GABBR1: variants seen among roughly 807,000 people sequenced by gnomAD.
GABBR1 encodes gamma-aminobutyric acid type B receptor subunit 1, also known as GABA-B receptor, R1 subunit.
A neutral mutation model predicts 117.7 loss-of-function variants in GABBR1; 35 were observed. The observed-to-expected ratio is 0.30, with a 90% CI of 0.23 to 0.39. The LOEUF is 0.39. Ranked by LOEUF, GABBR1 falls within the 10% of genes least tolerant of loss-of-function variation. GABBR1 has a pLI of 1.00. For missense variants in GABBR1, 709 were observed against 1,241.8 expected, an observed-to-expected ratio of 0.57 and a Z score of 6.45; for synonymous variants, 442 against 486.6, an observed-to-expected ratio of 0.91 and a Z score of 1.21.
chr6:29,613,775 G>A lies in GABBR1; in HGVS notation c.1324-290C>T, dbSNP rs1487757040. ...TTGACAAACACTCTGGATAATTAGT[G>A]GCAAAGGATGGAAGGTAGAGCAGAG... On this transcript the variant is annotated intron_variant, in intron 11 of 22. Coordinates refer to ENST00000377034, the MANE Select transcript of GABBR1 (RefSeq NM_001470.4). The surrounding 1 kb of genome is among the most constrained non-coding windows in gnomAD (Gnocchi z 4.1). Among the ~76,000 whole-genome samples, 2 of 152,188 alleles carry A rather than the reference G, an allele frequency of 1.3e-5. No homozygotes were observed. The highest frequency in any genetic ancestry group is 1.5e-5 in the Non-Finnish European group (1 of 68,038).
chr6:29,628,131 A>C, intron 5 of GABBR1: 2 of 151,780 alleles, frequency 1.3e-5, no homozygotes, highest in Admixed American at 1.4e-4. Flanking sequence ...CTGGGGAGGC[A>C]GGAAGGGGGC....
Position 29,622,763 on chromosome 6 carries a change from C to T in GABBR1, c.963+542G>A, listed in dbSNP as rs1465428171. On this transcript the variant is annotated intron_variant, in intron 8 of 22. Coordinates refer to ENST00000377034, the MANE Select transcript of GABBR1 (RefSeq NM_001470.4). This position sits in a 1 kb window ranked among gnomAD's most constrained non-coding sequence, Gnocchi z 4.6. The stretch of plus-strand genomic sequence containing the variant: ...CCAAATCTCCCTCTTCCCCCTCAAC[C>T]TCTCCTTGTCTGTCGGCTTCTCTCT... Among the ~76,000 whole-genome samples, 1 of 152,056 alleles carries T rather than the reference C, an allele frequency of 6.6e-6. No homozygotes were observed. The highest frequency in any genetic ancestry group is 1.9e-4 in the East Asian group (1 of 5,182).
Position 29,605,486 on chromosome 6 carries a change from T to A in GABBR1, c.2439+83A>T, listed in dbSNP as rs1582948339. Reference sequence around the variant, plus strand: ...AGACTTCTAAGCAACCGATCCCAGATCTAGCATTGATTCTTCCTAGTCCTC... The same window carrying A: ...AGACTTCTAAGCAACCGATCCCAGAACTAGCATTGATTCTTCCTAGTCCTC... On this transcript the variant is annotated intron_variant, in intron 20 of 22. Coordinates refer to ENST00000377034, the MANE Select transcript of GABBR1 (RefSeq NM_001470.4). This position sits in a 1 kb window ranked among gnomAD's most constrained non-coding sequence, Gnocchi z 4.2. The A allele has an allele frequency of 1.3e-6, 2 of 1,512,656 alleles. No homozygotes were observed. The highest frequency in any genetic ancestry group is 2.8e-5 in the African/African-American group (2 of 72,272). 93.7% of individuals were successfully genotyped at this position (1,512,656 alleles called of 1,614,324 possible).
In GABBR1 at chr6:29,604,427, C is replaced by A; in HGVS notation, c.2712+67G>T. The stretch of plus-strand genomic sequence containing the variant: ...CCTGTATCTCAGGCTTGGCTTCAGA[C>A]AACCCAAGCTAAGACGCAAGCCTCC... On this transcript the variant is annotated intron_variant, in intron 22 of 22. Coordinates refer to ENST00000377034, the MANE Select transcript of GABBR1 (RefSeq NM_001470.4). This position sits in a 1 kb window ranked among gnomAD's most constrained non-coding sequence, Gnocchi z 5.3. The A allele has an allele frequency of 6.3e-7, 1 of 1,594,924 alleles. No homozygotes were observed. The highest frequency in any genetic ancestry group is 8.6e-7 in the Non-Finnish European group (1 of 1,164,250).
At chr6:29,624,135 T>C (rs29249) in intron 6 of GABBR1, 111 bp from the exon 7 acceptor site, 397 of 1,070,360 alleles carry the variant, frequency 3.7e-4, no homozygotes, top group Non-Finnish European at 3.4e-4. Context: ...TTACTCACTT[T>C]CATCATTAAT....
chr6:29,615,787 G>A (rs1349832184), intron 11 of GABBR1, among the ~76,000 whole-genome samples: 1 of 152,134 alleles, frequency 6.6e-6, no homozygotes, highest in Non-Finnish European at 1.5e-5. Context: ...GCCAGACTTG[G>A]CCTGGGCACG....
In GABBR1 at chr6:29,605,550, C is replaced by T; in HGVS notation, c.2439+19G>A. ...CTGTGGTCAGCCTACAGGGTCAATG[C>T]CATGGGGTCAGTGCTCACTGCCACA... On this transcript the variant is annotated intron_variant, in intron 20 of 22. Transcript: ENST00000377034. This position sits in a 1 kb window ranked among gnomAD's most constrained non-coding sequence, Gnocchi z 4.2. 6.2e-7 allele frequency: 1 copy of T among 1,612,444 alleles called. No individual in the cohort carries two copies. The highest frequency in any genetic ancestry group is 8.5e-7 in the Non-Finnish European group (1 of 1,179,788).
At chr6:29,624,666 T>C (rs1230179602) in intron 6 of GABBR1, among the ~76,000 whole-genome samples, 6 of 151,810 alleles carry the variant, frequency 4.0e-5, no homozygotes, top group African/African-American at 1.5e-4. Flanking sequence ...GGGAAGAATG[T>C]AGGATGAGGA....
Position 29,613,575 on chromosome 6 carries a change from C to T in GABBR1, c.1324-90G>A. The T allele has an allele frequency of 6.9e-7, 1 of 1,446,452 alleles. No individual in the cohort carries two copies. The allele number at this position is 1,446,452 out of a possible 1,614,324, so 89.6% of individuals were successfully genotyped here. ...TCCAATTCTGACTCAATCACTTCTA[C>T]TTGAATGGATGGTTTGTGTTACTGT... On this transcript the variant is annotated intron_variant, in intron 11 of 22. Transcript: ENST00000377034. The surrounding 1 kb of genome is among the most constrained non-coding windows in gnomAD (Gnocchi z 4.1).
Position 29,603,501 on chromosome 6 carries a change from C to T in GABBR1, c.*42G>A, listed in dbSNP as rs779330185. 6.6e-7 allele frequency: 1 copy of T among 1,520,720 alleles called. No homozygotes were observed. The highest frequency in any genetic ancestry group is 1.4e-5 in the African/African-American group (1 of 72,424). The allele number at this position is 1,520,720 out of a possible 1,614,324, so 94.2% of individuals were successfully genotyped here. On this transcript the variant is annotated 3_prime_UTR_variant, in exon 23 of 23. Transcript: ENST00000377034. Reference sequence around the variant, plus strand: ...CTGAGTCCCCTGCCCTTCCCCTCTCCCTTTCCCTCCCCCTACTGGCCTGTC... The same window carrying T: ...CTGAGTCCCCTGCCCTTCCCCTCTCTCTTTCCCTCCCCCTACTGGCCTGTC...
intron 5 of GABBR1, among the ~76,000 whole-genome samples, chr6:29,628,614 G>A (rs1243184858): frequency 6.6e-6 from 1 of 151,158 alleles, no homozygotes; most frequent in Non-Finnish European, 1.5e-5. Context: ...GGGGTACACG[G>A]AAGGAAAAGA....
chr6:29,605,957 T>C lies in GABBR1; in HGVS notation c.2312-261A>G, dbSNP rs956175191. The C allele has an allele frequency of 2.3e-5, 13 of 568,526 alleles. No homozygotes were observed. Among genetic ancestry groups the C allele is most frequent in the African/African-American group, 3.7e-5 (2 of 53,410 alleles). The allele number at this position is 568,526 out of a possible 1,614,324, so 35.2% of individuals were successfully genotyped here. A position where few individuals can be genotyped will look rare whatever the true frequency, so the allele number is the denominator to read the frequency against. ...CTGCTGTCAGTCAGGCAAGGGCTTG[T>C]TGAATATCTAGAAATAGGCCAGTCT... On this transcript the variant is annotated intron_variant, in intron 19 of 22. Coordinates refer to ENST00000377034, the MANE Select transcript of GABBR1 (RefSeq NM_001470.4). This position sits in a 1 kb window ranked among gnomAD's most constrained non-coding sequence, Gnocchi z 4.2.
chr6:29,630,498 A>G lies in GABBR1; in HGVS notation c.435T>C (p.Cys145=), dbSNP rs1764843628. 6.2e-7 allele frequency: 1 copy of G among 1,612,924 alleles called. No individual in the cohort carries two copies. Among genetic ancestry groups the G allele is most frequent in the South Asian group, 1.1e-5 (1 of 91,086 alleles). ...FHLVGSSRSI[C]SQGQWSTPKP... ...TGGGGGTGCTCCACTGGCCCTGACT[A>G]CAGATGCTCCGGGAGCTGCCCACCA... Residue 145 remains cysteine (C), a synonymous_variant, in exon 4 of 23, where the codon TGT becomes TGC. Coordinates refer to ENST00000377034, the MANE Select transcript of GABBR1 (RefSeq NM_001470.4). This position sits in a 1 kb window ranked among gnomAD's most constrained non-coding sequence, Gnocchi z 4.9.
Position 29,621,952 on chromosome 6 carries a change from C to T in GABBR1, c.1066-135G>A, listed in dbSNP as rs1763798029. 6.7e-6 allele frequency: 7 copies of T among 1,045,160 alleles called. No homozygotes were observed. The highest frequency in any genetic ancestry group is 8.7e-6 in the Non-Finnish European group (6 of 690,820). The allele number at this position is 1,045,160 out of a possible 1,614,324, so 64.7% of individuals were successfully genotyped here. ...TAACGCTCAACGTATAGTGAATAAA[C>T]GTCAACTGGAAGATGGAGCTAAACT... is the stretch of plus-strand genomic sequence containing the variant. On this transcript the variant is annotated intron_variant, in intron 9 of 22. Transcript: ENST00000377034. The surrounding 1 kb of genome is among the most constrained non-coding windows in gnomAD (Gnocchi z 5.0).
chr6:29,622,443 G>T lies in GABBR1; in HGVS notation c.964-238C>A. 1.8e-6 allele frequency: 1 copy of T among 541,126 alleles called. No individual in the cohort carries two copies. Among genetic ancestry groups the T allele is most frequent in the Non-Finnish European group, 3.3e-6 (1 of 303,044 alleles). 33.5% of individuals were successfully genotyped at this position (541,126 alleles called of 1,614,324 possible). The stretch of plus-strand genomic sequence containing the variant: ...GAGCCCCTGCTGAGGCTCTGTGTGG[G>T]GGAAGCCACTCCATTCACCCACTCC... On this transcript the variant is annotated intron_variant, in intron 8 of 22. Coordinates refer to ENST00000377034, the MANE Select transcript of GABBR1 (RefSeq NM_001470.4). This position sits in a 1 kb window ranked among gnomAD's most constrained non-coding sequence, Gnocchi z 4.6.
rs1236741573 is a variant in GABBR1 at position 29,604,823 on chromosome 6, G to T, written c.2568+37C>A. ...TAGGAAGGAGGGATGGAGGGAACAT[G>T]GGAACAAAGAGGGTGGGAGAAAAGC... On this transcript the variant is annotated intron_variant, in intron 21 of 22. Transcript: ENST00000377034. The surrounding 1 kb of genome is among the most constrained non-coding windows in gnomAD (Gnocchi z 5.3). 1.2e-6 allele frequency: 2 copies of T among 1,603,964 alleles called. No homozygotes were observed. The highest frequency in any genetic ancestry group is 2.2e-5 in the South Asian group (2 of 89,102).
chr6:29,613,407 GTGCCTCCTGGAAGCCTCC>G lies in GABBR1; in HGVS notation c.1384_1401del (p.Gly462_Ala467del). On this transcript the variant is annotated inframe_deletion, in exon 12 of 23. Transcript: ENST00000377034. This position sits in a 1 kb window ranked among gnomAD's most constrained non-coding sequence, Gnocchi z 4.1. ...GCCCAGATGGCATCATAGGCCAGCG[GTGCCTCCTGGAAGCCTCC>G]TGTCTCCTCAGGGTGTCTTTTCAGT... 1 of 1,613,146 alleles carries G rather than the reference GTGCCTCCTGGAAGCCTCC, an allele frequency of 6.2e-7. No individual in the cohort carries two copies. Among genetic ancestry groups the G allele is most frequent in the Non-Finnish European group, 8.5e-7 (1 of 1,180,054 alleles).
At chr6:29,617,287 T>C (rs1763237537) in intron 11 of GABBR1, among the ~76,000 whole-genome samples, 1 of 133,830 alleles carries the variant, frequency 7.5e-6, no homozygotes, top group East Asian at 2.4e-4. Context: ...CATATTTCTT[T>C]TCTTTCTTTC....
chr6:29,621,655 T>C lies in GABBR1; in HGVS notation c.1131+97A>G. 1 of 1,039,136 alleles carries C rather than the reference T, an allele frequency of 9.6e-7. No individual in the cohort carries two copies. Among genetic ancestry groups the C allele is most frequent in the Non-Finnish European group, 1.5e-6 (1 of 661,602 alleles). The allele number at this position is 1,039,136 out of a possible 1,614,324, so 64.4% of individuals were successfully genotyped here. On this transcript the variant is annotated intron_variant, in intron 10 of 22. Coordinates refer to ENST00000377034, the MANE Select transcript of GABBR1 (RefSeq NM_001470.4). This position sits in a 1 kb window ranked among gnomAD's most constrained non-coding sequence, Gnocchi z 5.0. ...CTATGAATCGTCACCTCAGATCATATGCTATCAACTCAGGCACAGATGCCA... is the reference window on the plus strand; with the variant it reads ...CTATGAATCGTCACCTCAGATCATACGCTATCAACTCAGGCACAGATGCCA...
Sources: gnomAD v4.1 joint callset for allele counts (sites outside exome capture counted in the v4.1 genomes callset) on GRCh38, gnomAD v4.1.1 for gene constraint, Gnocchi (gnomAD v3.1) non-coding constraint, MANE v1.5 for transcripts, NCBI Gene and HGNC (gene_info 2026-07-23, HGNC 2026-07-21) for gene names.